ZFAND3: variants seen among roughly 807,000 people sequenced by gnomAD.
ZFAND3 encodes the protein AN1-type zinc finger protein 3.
ZFAND3 carries 10 observed loss-of-function variants against 29.6 expected under a neutral mutation model. The observed-to-expected ratio is 0.34, with a 90% CI of 0.21 to 0.57. The LOEUF is 0.57. Among genes scored for constraint, ZFAND3 ranks in the 20% least tolerant of loss-of-function variants. The pLI is 0.86. For missense variants in ZFAND3, 230 were observed against 304.5 expected (o/e 0.76, Z 1.82); for synonymous variants, 128 against 112.6 (o/e 1.14, Z -0.87).
chr6:37,945,620 C>T (rs904000125), intron 2 of ZFAND3, among the ~76,000 whole-genome samples: 2 of 152,160 alleles, frequency 1.3e-5, no homozygotes, highest in African/African-American at 4.8e-5. Context: ...AGTGATCCAC[C>T]TGCCTTGGCC....
chr6:38,060,632 T>G (rs2127463212), intron 2 of ZFAND3, among the ~76,000 whole-genome samples: 1 of 152,194 alleles, frequency 6.6e-6, no homozygotes, highest in South Asian at 2.1e-4. Flanking sequence ...TTTAAAACTT[T>G]TAGAGATGAG....
chr6:38,073,957 TTGAG>T (rs1196597723), intron 3 of ZFAND3, among the ~76,000 whole-genome samples: 1 of 152,230 alleles, frequency 6.6e-6, no homozygotes, highest in Non-Finnish European at 1.5e-5. Flanking sequence ...TCACATTTTG[TTGAG>T]ACTGGGAAAC....
At chr6:38,041,126 G>T (rs896871797) in intron 2 of ZFAND3, among the ~76,000 whole-genome samples, 10 of 152,204 alleles carry the variant, frequency 6.6e-5, no homozygotes, top group African/African-American at 1.9e-4. Flanking sequence ...CCCTCAGTTT[G>T]TGTTTGATGT....
intron 2 of ZFAND3, among the ~76,000 whole-genome samples, chr6:38,030,809 G>T (rs1053999395): frequency 6.6e-6 from 1 of 152,182 alleles, no homozygotes; most frequent in African/African-American, 2.4e-5. Flanking sequence ...GGGGTAAGGG[G>T]ATGCCAGACA....
intron 1 of ZFAND3, among the ~76,000 whole-genome samples, chr6:37,886,237 C>CA (rs55661554): frequency 1.0e-4 from 10 of 95,298 alleles, no homozygotes; most frequent in South Asian, 4.0e-4. Flanking sequence ...GACTCTGTCT[C>CA]AAAAAAAAAA....
intron 5 of ZFAND3, among the ~76,000 whole-genome samples, chr6:38,151,936 G>A (rs903857803): frequency 6.6e-6 from 1 of 152,134 alleles, no homozygotes; most frequent in Non-Finnish European, 1.5e-5. Flanking sequence ...GGAGAGGAGC[G>A]CAGAGCCCAC....
intron 4 of ZFAND3, among the ~76,000 whole-genome samples, chr6:38,086,985 A>G (rs1423489545): frequency 6.6e-6 from 1 of 152,210 alleles, no homozygotes; most frequent in Non-Finnish European, 1.5e-5. Flanking sequence ...ACTGGCATAA[A>G]AAGATATGTA....
chr6:37,821,759 C>T lies in ZFAND3; in HGVS notation c.71+1743C>T, dbSNP rs116084216. Among the ~76,000 whole-genome samples the T allele has an allele frequency of 8.5e-3, 1,293 of 152,316 alleles. 11 individuals carry two copies. The highest frequency in any genetic ancestry group is 0.02 in the Middle Eastern group (6 of 294). Reference sequence around the variant, plus strand: ...CACGTTTATGTCCTTCGGACTGTTACCATGAATGGAATCTTTATCGAAAGA... The same window carrying T: ...CACGTTTATGTCCTTCGGACTGTTATCATGAATGGAATCTTTATCGAAAGA... On this transcript the variant is annotated intron_variant, in intron 1 of 5. Coordinates refer to ENST00000287218, the MANE Select transcript of ZFAND3 (RefSeq NM_021943.3).
intron 2 of ZFAND3, among the ~76,000 whole-genome samples, chr6:38,020,338 C>T (rs915869162): frequency 5.9e-5 from 9 of 151,924 alleles, no homozygotes; most frequent in Non-Finnish European, 1.0e-4. Context: ...TCATAGTGAT[C>T]GGAAAGATAA....
intron 2 of ZFAND3, among the ~76,000 whole-genome samples, chr6:37,940,378 A>C (rs1205447885): frequency 1.3e-5 from 2 of 152,220 alleles, no homozygotes; most frequent in Non-Finnish European, 2.9e-5. Context: ...CTTAGTCCAC[A>C]GTAGGGATGA....
At chr6:37,985,499 C>CACACACA (rs1762651601) in intron 2 of ZFAND3, among the ~76,000 whole-genome samples, 1 of 141,596 alleles carries the variant, frequency 7.1e-6, no homozygotes, top group African/African-American at 2.8e-5. Context: ...GCTTGTGGTT[C>CACACACA]CACACACACA....
At chr6:38,036,710 T>C (rs1763664296) in intron 2 of ZFAND3, among the ~76,000 whole-genome samples, 1 of 152,208 alleles carries the variant, frequency 6.6e-6, no homozygotes, top group Admixed American at 6.5e-5. Flanking sequence ...AGAAACTAAC[T>C]TGACAAGCAT....
chr6:38,076,265 T>G (rs1285162508), intron 3 of ZFAND3, among the ~76,000 whole-genome samples: 1 of 152,206 alleles, frequency 6.6e-6, no homozygotes, highest in African/African-American at 2.4e-5. Flanking sequence ...ATCATGCTGT[T>G]GCACACTTAA....
intron 1 of ZFAND3, among the ~76,000 whole-genome samples, chr6:37,905,294 C>T (rs768541568): frequency 3.9e-5 from 6 of 152,076 alleles, no homozygotes; most frequent in South Asian, 4.1e-4. Context: ...ATTGACCCAA[C>T]GATTTTCATT....
intron 1 of ZFAND3, among the ~76,000 whole-genome samples, chr6:37,837,153 C>G (rs911432297): frequency 6.6e-6 from 1 of 151,954 alleles, no homozygotes; most frequent in Non-Finnish European, 1.5e-5. Flanking sequence ...AAGAAAAGCT[C>G]AGTATATATA....
chr6:38,111,986 A>G (rs936646883), intron 4 of ZFAND3, among the ~76,000 whole-genome samples: 8 of 152,190 alleles, frequency 5.3e-5, no homozygotes, highest in Non-Finnish European at 1.2e-4. Flanking sequence ...GGATACCGAG[A>G]GACGGACTGT....
intron 1 of ZFAND3, among the ~76,000 whole-genome samples, chr6:37,921,626 C>G (rs992386127): frequency 6.6e-6 from 1 of 151,474 alleles, no homozygotes; most frequent in African/African-American, 2.4e-5. Context: ...CTAGAATTCC[C>G]CAAGATGAAT....
intron 1 of ZFAND3, among the ~76,000 whole-genome samples, chr6:37,884,762 G>C (rs1764960281): frequency 8.6e-6 from 1 of 116,734 alleles, no homozygotes; most frequent in Non-Finnish European, 1.7e-5. Flanking sequence ...TTTTCTGAGA[G>C]ATGTGAATGA....
chr6:38,091,257 G>A (rs754496442), intron 4 of ZFAND3, among the ~76,000 whole-genome samples: 84 of 151,876 alleles, frequency 5.5e-4, no homozygotes, highest in South Asian at 1.7e-3. Context: ...TTTGCACAAA[G>A]TCAGTTTGCA....
Sources: allele counts gnomAD v4.1 joint callset (sites outside exome capture counted in the v4.1 genomes callset), GRCh38; gene constraint gnomAD v4.1.1; transcripts MANE v1.5; gene names NCBI Gene and HGNC (gene_info 2026-07-23, HGNC 2026-07-21).